The following DACH2 variants were observed in gnomAD, a reference collection of about 807,000 sequenced individuals.
DACH2 encodes the protein dachshund family transcription factor 2, also known as dachshund homolog 2.
DACH2 carries 17 observed loss-of-function variants against 35.8 expected under a neutral mutation model. That is an observed-to-expected ratio of 0.48 (90% confidence interval 0.33 to 0.71). DACH2 has a LOEUF of 0.71. DACH2 is among the 30% of genes least tolerant of loss of function. The pLI is 0.02. For missense variants in DACH2, 469 were observed against 472.7 expected, an observed-to-expected ratio of 0.99 and a Z score of 0.07; for synonymous variants, 195 against 177.3, an observed-to-expected ratio of 1.10 and a Z score of -0.79.
At chrX:86,242,800 G>A (rs2033195184) in intron 1 of DACH2, among the ~76,000 whole-genome samples, 1 of 111,420 alleles carries the variant, frequency 9.0e-6, no homozygotes, top group Non-Finnish European at 1.9e-5. Context: ...GTGATAGTGA[G>A]CGTGTTCTCA....
intron 1 of DACH2, among the ~76,000 whole-genome samples, chrX:86,361,919 T>C (rs905497887): frequency 1.8e-5 from 2 of 111,388 alleles, no homozygotes; most frequent in African/African-American, 6.5e-5. Flanking sequence ...TCCAAACTCA[T>C]TTAAAATTCA....
At position 86,670,439 on chromosome X, in the gene DACH2, C is replaced by T. The variant is rs764106482; in HGVS notation, c.772+19272C>T. On this transcript the variant is annotated intron_variant, in intron 4 of 11. Transcript: ENST00000373125. ...AAAGAATTGCCTCTCTCTGCAATGT[C>T]CAAAACAAATAAATAAATAAATAGA... is the stretch of plus-strand genomic sequence containing the variant. 7.2e-5 allele frequency among the ~76,000 whole-genome samples: 8 copies of T among 111,406 alleles called. No homozygotes were observed. In the South Asian group the frequency reaches 3.0e-3, roughly 42 times the overall value.
chrX:86,633,256 A>T (rs1394215954), intron 3 of DACH2, among the ~76,000 whole-genome samples: 1 of 111,760 alleles, frequency 8.9e-6, no homozygotes, highest in Non-Finnish European at 1.9e-5. Context: ...ATAATTAAAA[A>T]TGAAAAAGAG....
chrX:86,818,032 C>A (rs1308656477), intron 11 of DACH2, among the ~76,000 whole-genome samples: 2 of 111,641 alleles, frequency 1.8e-5, no homozygotes, highest in African/African-American at 6.5e-5. Flanking sequence ...ATGACACTGT[C>A]TAGTATTTGT....
rs752959548 is a variant in DACH2 at position 86,297,532 on chromosome X, T to C, written c.489-79292T>C. On this transcript the variant is annotated intron_variant, in intron 1 of 11. Coordinates refer to ENST00000373125, the MANE Select transcript of DACH2 (RefSeq NM_053281.3). ...TGAAATCTCTTCCTGACAAGAGTAA[T>C]GACAAAAAGATAATTTATTGGAAAG... Among the ~76,000 whole-genome samples the C allele has an allele frequency of 2.8e-4, 31 of 111,477 alleles. No individual in the cohort carries two copies. In the South Asian group the frequency reaches 9.8e-3, roughly 35 times the overall value.
intron 3 of DACH2, among the ~76,000 whole-genome samples, chrX:86,636,462 T>A (rs1286723517): frequency 9.1e-6 from 1 of 109,894 alleles, no homozygotes; most frequent in Non-Finnish European, 1.9e-5. Context: ...ATAAACAAAC[T>A]AACAAACAAA....
chrX:86,644,577 A>G (rs749648746), intron 3 of DACH2, among the ~76,000 whole-genome samples: 5 of 111,743 alleles, frequency 4.5e-5, no homozygotes, highest in Admixed American at 2.9e-4. Flanking sequence ...ATAAATTTAT[A>G]TGGAACCAAA....
chrX:86,394,369 T>C lies in DACH2; in HGVS notation c.527+17507T>C, dbSNP rs1170575476. ...CAGAATTAATATGCCTTCCAATTTATATTCAGTATTAATGCTCCTAGTATT... is the reference window on the plus strand; with the variant it reads ...CAGAATTAATATGCCTTCCAATTTACATTCAGTATTAATGCTCCTAGTATT... On this transcript the variant is annotated intron_variant, in intron 2 of 11. Transcript: ENST00000373125. 8.1e-5 allele frequency among the ~76,000 whole-genome samples: 9 copies of C among 111,644 alleles called. No individual in the cohort carries two copies. The Admixed American group carries it at 8.7e-4, about 11-fold the overall frequency.
At chrX:86,385,979 A>T (rs899159757) in intron 2 of DACH2, among the ~76,000 whole-genome samples, 2 of 112,034 alleles carry the variant, frequency 1.8e-5, no homozygotes, top group Non-Finnish European at 3.8e-5. Flanking sequence ...TGTTGTTAAC[A>T]TCTTACAATT....
intron 1 of DACH2, among the ~76,000 whole-genome samples, chrX:86,343,000 A>T (rs905481339): frequency 6.3e-5 from 7 of 111,286 alleles, no homozygotes; most frequent in Non-Finnish European, 1.3e-4. Flanking sequence ...AGATATATAC[A>T]TTGGCTTTTT....
intron 11 of DACH2, chrX:86,831,129 C>T (rs1169080332): frequency 9.0e-6 from 1 of 110,782 alleles, no homozygotes; most frequent in Non-Finnish European, 1.9e-5. Context: ...AAAATTCTGC[C>T]ACTCACCATG....
At chrX:86,388,882 T>C (rs546445014) in intron 2 of DACH2, among the ~76,000 whole-genome samples, 2 of 111,634 alleles carry the variant, frequency 1.8e-5, no homozygotes, top group African/African-American at 6.5e-5. Context: ...GATAGTTAAT[T>C]TTATGGCATT....
chrX:86,539,180 A>G (rs2038846304), intron 3 of DACH2, among the ~76,000 whole-genome samples: 1 of 110,667 alleles, frequency 9.0e-6, no homozygotes, highest in Admixed American at 9.6e-5. Context: ...GTAATAGTGA[A>G]TGAGTTCTCA....
intron 3 of DACH2, among the ~76,000 whole-genome samples, chrX:86,616,116 A>G (rs2039998700): frequency 8.9e-6 from 1 of 111,752 alleles, no homozygotes; most frequent in Non-Finnish European, 1.9e-5. Context: ...TCTTGTTTAT[A>G]GCTGCATAAT....
chrX:86,599,251 G>A (rs2039754152), intron 3 of DACH2, among the ~76,000 whole-genome samples: 1 of 111,018 alleles, frequency 9.0e-6, no homozygotes, highest in Admixed American at 9.6e-5. Flanking sequence ...CTGCATCACT[G>A]CTCTGGAGTT....
At chrX:86,452,047 A>G (rs999271081) in intron 2 of DACH2, among the ~76,000 whole-genome samples, 1 of 111,629 alleles carries the variant, frequency 9.0e-6, no homozygotes, top group Non-Finnish European at 1.9e-5. Context: ...GGGATGTTGA[A>G]TTTTATCAAA....
At chrX:86,480,582 G>T (rs979157815) in intron 2 of DACH2, among the ~76,000 whole-genome samples, 5 of 112,162 alleles carry the variant, frequency 4.5e-5, no homozygotes, top group African/African-American at 1.6e-4. Context: ...CAGGCTCAGA[G>T]TACAGTATCA....
intron 2 of DACH2, among the ~76,000 whole-genome samples, chrX:86,508,659 T>C (rs1460621835): frequency 8.9e-6 from 1 of 111,927 alleles, no homozygotes; most frequent in African/African-American, 3.2e-5. Context: ...ATTCAAGTCA[T>C]ACACTAGCAT....
intron 2 of DACH2, among the ~76,000 whole-genome samples, chrX:86,434,269 A>G (rs953591910): frequency 1.8e-5 from 2 of 111,822 alleles, no homozygotes; most frequent in Non-Finnish European, 3.8e-5. Flanking sequence ...ATGGGCATGT[A>G]GTGCATAATA....
Sources: allele counts gnomAD v4.1 joint callset (sites outside exome capture counted in the v4.1 genomes callset), GRCh38; gene constraint gnomAD v4.1.1; transcripts MANE v1.5; gene names NCBI Gene and HGNC (gene_info 2026-07-23, HGNC 2026-07-21).